OPCML: variants seen among roughly 807,000 people sequenced by gnomAD.
The protein encoded by OPCML is opioid binding protein/cell adhesion molecule like, also known as opioid-binding protein/cell adhesion molecule.
In OPCML, 13 loss-of-function variants were observed where a neutral mutation model predicts 37.8. The observed-to-expected ratio is 0.34, with a 90% CI of 0.22 to 0.55. The LOEUF is 0.55. Ranked by LOEUF, OPCML falls within the 20% of genes least tolerant of loss-of-function variation. The pLI is 0.91. For synonymous variants in OPCML, 176 were observed against 168.8 expected (o/e 1.04, Z -0.33); for missense variants, 341 against 435.6 (o/e 0.78, Z 1.93).
chr11:133,080,960 G>T lies in OPCML; in HGVS notation c.62-137950C>A, dbSNP rs75342404. Among the ~76,000 whole-genome samples, 275 of 152,246 alleles carry T rather than the reference G, an allele frequency of 1.8e-3. 3 individuals carry two copies. Among genetic ancestry groups the T allele is most frequent in the Middle Eastern group, 6.8e-3 (2 of 294 alleles). ...GTGAGTGGAAGAGTGGGGGTGAAGC[G>T]TGCATGGTGGGGAAAGGGGCTTACC... On this transcript the variant is annotated intron_variant, in intron 1 of 7. Coordinates refer to ENST00000524381, the MANE Select transcript of OPCML (RefSeq NM_001012393.5).
Position 133,004,652 on chromosome 11 carries a change from C to T in OPCML, c.62-61642G>A, listed in dbSNP as rs1050460070. ...CCACTGCTAACAGCTGCTCGGGAGG[C>T]CAGCTGGCGAGGGACCATGCCCTCG... On this transcript the variant is annotated intron_variant, in intron 1 of 7. Transcript: ENST00000524381. The T allele has an allele frequency of 5.1e-6, 5 of 985,348 alleles. No homozygotes were observed. In the African/African-American group the frequency reaches 8.7e-5, roughly 17 times the overall value. The allele number at this position is 985,348 out of a possible 1,614,324, so 61.0% of individuals were successfully genotyped here. A position where few individuals can be genotyped will look rare whatever the true frequency, so the allele number is the denominator to read the frequency against.
intron 1 of OPCML, among the ~76,000 whole-genome samples, chr11:133,519,110 G>A (rs183700005): frequency 2.9e-4 from 44 of 152,192 alleles, no homozygotes; most frequent in Middle Eastern, 6.8e-3. Flanking sequence ...TTCTGCCTCC[G>A]TCTCTGTCCC....
At chr11:132,949,435 G>C (rs1945812595) in intron 1 of OPCML, among the ~76,000 whole-genome samples, 2 of 152,270 alleles carry the variant, frequency 1.3e-5, no homozygotes, top group African/African-American at 4.8e-5. Flanking sequence ...GGGCCTTGTT[G>C]GGCAGCAACT....
intron 1 of OPCML, among the ~76,000 whole-genome samples, chr11:133,158,860 G>A (rs1950104658): frequency 6.6e-6 from 1 of 152,108 alleles, no homozygotes; most frequent in Admixed American, 6.5e-5. Context: ...CTTTCCTCCT[G>A]TCTGGAGGGG....
At chr11:132,926,504 G>T (rs573590986) in intron 2 of OPCML, among the ~76,000 whole-genome samples, 1 of 152,158 alleles carries the variant, frequency 6.6e-6, no homozygotes. Context: ...AAAAAAGGAT[G>T]CACACAAGAC....
At chr11:132,487,635 G>A (rs769346119) in intron 4 of OPCML, among the ~76,000 whole-genome samples, 2 of 152,030 alleles carry the variant, frequency 1.3e-5, no homozygotes, top group Admixed American at 6.6e-5. Context: ...ACACTTTCCC[G>A]TTAGGACCCA....
intron 3 of OPCML, among the ~76,000 whole-genome samples, chr11:132,554,177 A>T (rs544135310): frequency 1.3e-5 from 2 of 152,206 alleles, no homozygotes; most frequent in African/African-American, 4.8e-5. Context: ...CAGACAAATT[A>T]TCAGGCAAAT....
chr11:132,558,297 TCC>T (rs2096400826), intron 3 of OPCML, among the ~76,000 whole-genome samples: 1 of 72,614 alleles, frequency 1.4e-5, no homozygotes. Flanking sequence ...CTTCCTCTTC[TCC>T]CCTCCTCCTC....
Position 133,211,969 on chromosome 11 carries a change from C to T in OPCML, c.62-268959G>A, listed in dbSNP as rs1267949813. Reference sequence around the variant, plus strand: ...ATATACTCAAACAAAGCCATGAACGCTGGGCTGTCAGATGGCAAGCCTAGT... The same window carrying T: ...ATATACTCAAACAAAGCCATGAACGTTGGGCTGTCAGATGGCAAGCCTAGT... On this transcript the variant is annotated intron_variant, in intron 1 of 7. Coordinates refer to ENST00000524381, the MANE Select transcript of OPCML (RefSeq NM_001012393.5). The surrounding 1 kb of genome is among the most constrained non-coding windows in gnomAD (Gnocchi z 4.1). Among the ~76,000 whole-genome samples the T allele has an allele frequency of 6.6e-6, 1 of 152,148 alleles. No homozygotes were observed. The highest frequency in any genetic ancestry group is 1.5e-5 in the Non-Finnish European group (1 of 68,030).
intron 1 of OPCML, among the ~76,000 whole-genome samples, chr11:133,479,394 GCTCAGCCCTAC>G (rs1455867466): frequency 6.6e-6 from 1 of 152,148 alleles, no homozygotes; most frequent in African/African-American, 2.4e-5. Context: ...CTTGGGGTGG[GCTCAGCCCTAC>G]CTCAGCCTGA....
chr11:133,221,132 C>A (rs1030470630), intron 1 of OPCML, among the ~76,000 whole-genome samples: 1 of 152,182 alleles, frequency 6.6e-6, no homozygotes, highest in Non-Finnish European at 1.5e-5. Context: ...AGTCTATTAG[C>A]ACTTTTGAGT....
intron 1 of OPCML, chr11:133,006,383 A>G (rs1172100166): frequency 1.1e-6 from 1 of 941,942 alleles, no homozygotes; most frequent in Non-Finnish European, 1.3e-6. Context: ...TTTCTTGGCC[A>G]TGGGACAAAG....
chr11:132,560,184 A>G (rs555028047), intron 3 of OPCML, among the ~76,000 whole-genome samples: 1 of 152,248 alleles, frequency 6.6e-6, no homozygotes, highest in African/African-American at 2.4e-5. Flanking sequence ...CTCTACCATG[A>G]CTTGGGGTCA....
At chr11:133,004,238 T>G in intron 1 of OPCML, 2 of 985,446 alleles carry the variant, frequency 2.0e-6, no homozygotes, top group Non-Finnish European at 2.4e-6. Flanking sequence ...CCAGTGCCCC[T>G]GGGGACGTAA....
chr11:133,117,682 A>T, intron 1 of OPCML: 1 of 612,190 alleles, frequency 1.6e-6, no homozygotes, highest in Non-Finnish European at 2.0e-6. Context: ...GCTCAGAGTG[A>T]CCAGTTTGGT....
chr11:132,655,802 T>C (rs578202332), intron 3 of OPCML, among the ~76,000 whole-genome samples: 12 of 150,976 alleles, frequency 7.9e-5, no homozygotes, highest in South Asian at 6.3e-4. Context: ...GAAGCATGAA[T>C]AGACAGCCCC....
rs150214145 is a variant in OPCML at position 132,755,833 on chromosome 11, A to G, written c.147-98514T>C. ...ATATATTACTGAGTTACAGTTTTCT[A>G]CACATCTCCAGAGTGTGGCTAATGC... On this transcript the variant is annotated intron_variant, in intron 2 of 7. Coordinates refer to ENST00000524381, the MANE Select transcript of OPCML (RefSeq NM_001012393.5). Among the ~76,000 whole-genome samples the G allele has an allele frequency of 2.2e-4, 34 of 152,340 alleles. No homozygotes were observed. The East Asian group carries it at 5.6e-3, about 25-fold the overall frequency.
chr11:132,695,515 G>C (rs1425417831), intron 2 of OPCML, among the ~76,000 whole-genome samples: 1 of 152,204 alleles, frequency 6.6e-6, no homozygotes, highest in African/African-American at 2.4e-5. Context: ...CTTCAAAGGA[G>C]ACAGATGCTG....
At chr11:132,440,350 A>G (rs935036354) in intron 4 of OPCML, among the ~76,000 whole-genome samples, 3 of 150,452 alleles carry the variant, frequency 2.0e-5, no homozygotes, top group African/African-American at 7.4e-5. Flanking sequence ...TTTTTTTTTA[A>G]ATATAGATTC....
Sources: gnomAD v4.1 joint callset for allele counts (sites outside exome capture counted in the v4.1 genomes callset) on GRCh38, gnomAD v4.1.1 for gene constraint, Gnocchi (gnomAD v3.1) non-coding constraint, MANE v1.5 for transcripts, NCBI Gene and HGNC (gene_info 2026-07-23, HGNC 2026-07-21) for gene names.